SMYD3: variants seen among roughly 807,000 people sequenced by gnomAD.
SMYD3 encodes histone-lysine N-methyltransferase SMYD3.
Under a neutral mutation model 57.7 loss-of-function variants are expected in SMYD3, and 36 were observed. The ratio of observed to expected loss-of-function variants is 0.62; its 90% CI spans 0.48 to 0.82. The LOEUF (loss-of-function observed/expected upper bound fraction) is 0.82, where lower values mean the gene tolerates loss of function less well. Among genes scored for constraint, SMYD3 ranks in the 40% least tolerant of loss-of-function variants. The pLI is 0.00. For missense variants in SMYD3, 515 were observed against 538.8 expected (o/e 0.96, Z 0.44); for synonymous variants, 211 against 195.0 (o/e 1.08, Z -0.68).
chr1:245,943,927 A>G (rs977131338), intron 5 of SMYD3, among the ~76,000 whole-genome samples: 1 of 152,230 alleles, frequency 6.6e-6, no homozygotes, highest in Admixed American at 6.5e-5. Flanking sequence ...CCTTTGAGAA[A>G]ATTCAACACC....
intron 1 of SMYD3, among the ~76,000 whole-genome samples, chr1:246,463,804 C>A (rs1238836503): frequency 7.8e-6 from 1 of 128,658 alleles, no homozygotes; most frequent in African/African-American, 2.9e-5. Context: ...CCACTGCACT[C>A]CAGCCTGGGA....
At chr1:245,886,685 G>T in intron 8 of SMYD3, among the ~76,000 whole-genome samples, 1 of 151,956 alleles carries the variant, frequency 6.6e-6, no homozygotes, top group East Asian at 1.9e-4. Flanking sequence ...TCTTCTTCTG[G>T]GTGTAATGAT....
At chr1:245,895,414 A>C (rs1430015642) in intron 8 of SMYD3, among the ~76,000 whole-genome samples, 2 of 152,354 alleles carry the variant, frequency 1.3e-5, no homozygotes, top group East Asian at 3.9e-4. Flanking sequence ...TAGATTGTTA[A>C]AATTGAGAAC....
chr1:246,445,494 G>C (rs1268308870), intron 1 of SMYD3, among the ~76,000 whole-genome samples: 2 of 152,114 alleles, frequency 1.3e-5, no homozygotes. Context: ...ATTGACCCAA[G>C]GGATAAACAG....
chr1:246,015,823 C>T (rs1237269210), intron 5 of SMYD3, among the ~76,000 whole-genome samples: 1 of 152,206 alleles, frequency 6.6e-6, no homozygotes, highest in Admixed American at 6.5e-5. Flanking sequence ...TAGATCCATA[C>T]ATCTGTTGAT....
chr1:246,477,791 G>A (rs891634717), intron 1 of SMYD3, among the ~76,000 whole-genome samples: 5 of 152,116 alleles, frequency 3.3e-5, no homozygotes, highest in African/African-American at 1.2e-4. Flanking sequence ...TACGGCCTGT[G>A]GAGTTACTGA....
chr1:245,912,211 A>C lies in SMYD3; in HGVS notation c.813+3319T>G, dbSNP rs554367605. 2.0e-5 allele frequency among the ~76,000 whole-genome samples: 3 copies of C among 152,090 alleles called. No individual in the cohort carries two copies. The South Asian group carries it at 6.2e-4, about 32-fold the overall frequency. The stretch of plus-strand genomic sequence containing the variant: ...ATCAGCAGTGTTTCTATACACCAAT[A>C]ATGAACTACCTGAAACAGAAATCAA... On this transcript the variant is annotated intron_variant, in intron 8 of 11. Coordinates refer to ENST00000490107, the MANE Select transcript of SMYD3 (RefSeq NM_001167740.2).
intron 6 of SMYD3, among the ~76,000 whole-genome samples, chr1:245,929,493 G>A (rs1251433494): frequency 1.3e-5 from 2 of 152,136 alleles, no homozygotes; most frequent in East Asian, 1.9e-4. Context: ...AAGACAACAT[G>A]AACCCAACTG....
chr1:246,311,667 ACACACACG>A (rs1558394269), intron 5 of SMYD3, among the ~76,000 whole-genome samples: 2 of 152,202 alleles, frequency 1.3e-5, no homozygotes, highest in African/African-American at 4.8e-5. Flanking sequence ...GCACGCGCGC[ACACACACG>A]CACACACACC....
At chr1:246,095,382 G>A (rs1002167946) in intron 5 of SMYD3, among the ~76,000 whole-genome samples, 8 of 152,222 alleles carry the variant, frequency 5.3e-5, no homozygotes, top group Non-Finnish European at 7.3e-5. Flanking sequence ...TCCAAGGGCA[G>A]AAGTGAGTGC....
rs546013724 is a variant in SMYD3, at chr1:245,949,322, G to A, written c.532-19385C>T. ...GCACATTTAGCCCACCACCGCCACC[G>A]TGGGGCCCAAGGACTGGTGCGCCCG... On this transcript the variant is annotated intron_variant, in intron 5 of 11. Coordinates refer to ENST00000490107, the MANE Select transcript of SMYD3 (RefSeq NM_001167740.2). Among the ~76,000 whole-genome samples the A allele has an allele frequency of 1.2e-4, 18 of 152,256 alleles. 1 individual carries two copies. Among genetic ancestry groups the A allele is most frequent in the Admixed American group, 3.9e-4 (6 of 15,296 alleles).
At chr1:246,175,991 C>T (rs759931295) in intron 5 of SMYD3, among the ~76,000 whole-genome samples, 4 of 152,152 alleles carry the variant, frequency 2.6e-5, no homozygotes. Context: ...GTTACCACAT[C>T]TTCCATGGTC....
At chr1:246,123,812 T>TG (rs1315572043) in intron 5 of SMYD3, among the ~76,000 whole-genome samples, 1 of 151,940 alleles carries the variant, frequency 6.6e-6, no homozygotes, top group African/African-American at 2.4e-5. Context: ...TTTCTTGTGT[T>TG]TTTTTTCCCC....
In SMYD3 at chr1:245,929,867, T is replaced by C. The variant is rs369840811; in HGVS notation, c.599+3A>G. The C allele has an allele frequency of 6.2e-7, 1 of 1,609,800 alleles. No individual in the cohort carries two copies. Among genetic ancestry groups the C allele is most frequent in the East Asian group, 2.2e-5 (1 of 44,852 alleles). ...CCAGTACATGAAGTACCATACACCATACCTGGGATATAGGCCAACACCAAC... is the reference window on the plus strand; with the variant it reads ...CCAGTACATGAAGTACCATACACCACACCTGGGATATAGGCCAACACCAAC... On this transcript the variant is annotated splice_donor_region_variant and intron_variant, in intron 6 of 11. Coordinates refer to ENST00000490107, the MANE Select transcript of SMYD3 (RefSeq NM_001167740.2).
chr1:246,312,629 G>A (rs1182369665), intron 5 of SMYD3, among the ~76,000 whole-genome samples: 3 of 152,124 alleles, frequency 2.0e-5, no homozygotes, highest in South Asian at 2.1e-4. Context: ...CACTGCACAC[G>A]ACGAATCTGA....
At chr1:245,776,495 C>G (rs1221287248) in intron 10 of SMYD3, among the ~76,000 whole-genome samples, 1 of 152,208 alleles carries the variant, frequency 6.6e-6, no homozygotes, top group African/African-American at 2.4e-5. Flanking sequence ...AATGAGCTTA[C>G]CAAGCCGTAT....
chr1:245,860,563 A>G (rs2051483719), intron 9 of SMYD3, among the ~76,000 whole-genome samples: 1 of 152,220 alleles, frequency 6.6e-6, no homozygotes, highest in African/African-American at 2.4e-5. Flanking sequence ...TGCACAGCTG[A>G]GAGCCTGTTC....
chr1:245,832,476 GTT>G (rs200013317), intron 10 of SMYD3, among the ~76,000 whole-genome samples: 1 of 22,150 alleles, frequency 4.5e-5, no homozygotes, highest in African/African-American at 9.2e-5. Flanking sequence ...TCGATTTAAT[GTT>G]TTTTTTGTTT....
intron 5 of SMYD3, among the ~76,000 whole-genome samples, chr1:246,103,583 A>C (rs956495563): frequency 6.6e-5 from 10 of 152,008 alleles, no homozygotes; most frequent in African/African-American, 2.4e-4. Context: ...TGAGGTCGTT[A>C]TCATCTCTTA....
Sources: allele counts gnomAD v4.1 joint callset (sites outside exome capture counted in the v4.1 genomes callset), GRCh38; gene constraint gnomAD v4.1.1; transcripts MANE v1.5; gene names NCBI Gene and HGNC (gene_info 2026-07-23, HGNC 2026-07-21).